Variants in SOX5 observed in about 807,000 individuals in gnomAD.
SOX5 encodes SRY-box transcription factor 5.
In SOX5, 9 loss-of-function variants were observed where a neutral mutation model predicts 92.0. The observed-to-expected ratio is 0.10, with a 90% CI of 0.06 to 0.17. SOX5 has a LOEUF of 0.17. Ranked by LOEUF, SOX5 falls within the 10% of genes least tolerant of loss-of-function variation. SOX5 has a pLI of 1.00. For synonymous variants in SOX5, 344 were observed against 336.3 expected (o/e 1.02, Z -0.25); for missense variants, 642 against 944.5 (o/e 0.68, Z 4.20).
At position 24,445,251 on chromosome 12, in the gene SOX5, A is replaced by T. The variant is rs145450558; in HGVS notation, c.-250-76612T>A. Among the ~76,000 whole-genome samples the T allele has an allele frequency of 2.9e-3, 443 of 152,358 alleles. 14 individuals carry two copies. Among genetic ancestry groups the T allele is most frequent in the Admixed American group, 0.027 (417 of 15,304 alleles). On this transcript the variant is annotated intron_variant, in intron 1 of 4. Transcript: ENST00000446891. Reference sequence around the variant, plus strand: ...TACATGATGGTCAAATTTGCATGGTATCAGACATGTCTAATGAATGCACAC... The same window carrying T: ...TACATGATGGTCAAATTTGCATGGTTTCAGACATGTCTAATGAATGCACAC...
chr12:24,029,440 G>GT (rs1054562895), intron 4 of SOX5, among the ~76,000 whole-genome samples: 5 of 151,538 alleles, frequency 3.3e-5, no homozygotes, highest in Non-Finnish European at 5.9e-5. Context: ...ACACCTGGCT[G>GT]TTTTTTTAGT....
upstream of SOX5, among the ~76,000 whole-genome samples, chr12:23,951,653 T>TACAC (rs71059949): frequency 0.036 from 5,410 of 151,560 alleles, 128 homozygotes; most frequent in South Asian, 0.073. Context: ...AATATATATA[T>TACAC]ACACACACAC....
chr12:24,107,122 C>T (rs935533842), intron 4 of SOX5, among the ~76,000 whole-genome samples: 1 of 152,016 alleles, frequency 6.6e-6, no homozygotes, highest in African/African-American at 2.4e-5. Flanking sequence ...TACTGGATAC[C>T]TAATAATCCT....
chr12:23,857,210 G>A (rs1043897219), intron 2 of SOX5, among the ~76,000 whole-genome samples: 2 of 152,176 alleles, frequency 1.3e-5, no homozygotes, highest in African/African-American at 2.4e-5. Flanking sequence ...GAAGGGTCAT[G>A]AAAGTCAAGT....
chr12:24,497,459 C>A (rs184237631), intron 1 of SOX5, among the ~76,000 whole-genome samples: 2 of 152,150 alleles, frequency 1.3e-5, no homozygotes, highest in African/African-American at 2.4e-5. Flanking sequence ...GGGTCTTCAT[C>A]CTAATGTTTT....
chr12:23,973,223 G>A (rs1948554660), intron 4 of SOX5, among the ~76,000 whole-genome samples: 1 of 141,436 alleles, frequency 7.1e-6, no homozygotes, highest in African/African-American at 2.7e-5. Flanking sequence ...GTGCAGTGGT[G>A]TGATCTCAGC....
At chr12:24,173,059 T>G (rs1954376548) in intron 4 of SOX5, among the ~76,000 whole-genome samples, 1 of 152,146 alleles carries the variant, frequency 6.6e-6, no homozygotes, top group Non-Finnish European at 1.5e-5. Context: ...CCTAGAGAGA[T>G]TAGGAAGTTG....
intron 2 of SOX5, among the ~76,000 whole-genome samples, chr12:23,878,758 T>C (rs1051492984): frequency 6.6e-6 from 1 of 152,128 alleles, no homozygotes; most frequent in African/African-American, 2.4e-5. Context: ...CCTTAAATTT[T>C]CTGCTTTGTT....
At chr12:24,381,173 A>C (rs1222635196) in intron 1 of SOX5, among the ~76,000 whole-genome samples, 1 of 152,258 alleles carries the variant, frequency 6.6e-6, no homozygotes, top group Non-Finnish European at 1.5e-5. Flanking sequence ...CTGCAGATCA[A>C]GTTGTGGCTT....
chr12:24,253,519 C>T (rs957227), intron 3 of SOX5, among the ~76,000 whole-genome samples: 29 of 151,918 alleles, frequency 1.9e-4, no homozygotes, highest in Non-Finnish European at 3.8e-4. Flanking sequence ...AAGATGGAAA[C>T]GGCAAAACAA....
chr12:23,895,766 A>T, intron 2 of SOX5, 27 bp downstream of exon 2: 1 of 1,500,810 alleles, frequency 6.7e-7, no homozygotes, highest in Non-Finnish European at 9.3e-7. Flanking sequence ...AAGTGAGTGT[A>T]GGCACAATAA....
intron 1 of SOX5, among the ~76,000 whole-genome samples, chr12:24,430,058 A>G (rs1937987180): frequency 1.3e-5 from 2 of 152,198 alleles, no homozygotes; most frequent in South Asian, 4.1e-4. Context: ...ACTATCATTC[A>G]TTAATCACTT....
intron 1 of SOX5, among the ~76,000 whole-genome samples, chr12:24,530,521 C>T (rs775431268): frequency 7.2e-5 from 11 of 152,074 alleles, no homozygotes; most frequent in Non-Finnish European, 1.0e-4. Context: ...GCTGTGCTGG[C>T]GTGCACCTGT....
At chr12:24,418,156 CAAAT>C (rs1050708073) in intron 1 of SOX5, among the ~76,000 whole-genome samples, 5 of 150,722 alleles carry the variant, frequency 3.3e-5, no homozygotes, top group African/African-American at 1.2e-4. Flanking sequence ...TACAGCCAAA[CAAAT>C]AAAAATACAT....
chr12:23,715,102 A>G (rs938541587), intron 6 of SOX5, among the ~76,000 whole-genome samples: 24 of 152,080 alleles, frequency 1.6e-4, no homozygotes, highest in Admixed American at 7.2e-4. Flanking sequence ...GATCAAGACC[A>G]TCCTGGCTAA....
chr12:23,564,634 T>C (rs1423466596), intron 10 of SOX5, among the ~76,000 whole-genome samples: 1 of 152,166 alleles, frequency 6.6e-6, no homozygotes, highest in African/African-American at 2.4e-5. Flanking sequence ...ATAAATCCTC[T>C]AATCTGCCAA....
chr12:23,616,156 A>C (rs746489394), intron 8 of SOX5, among the ~76,000 whole-genome samples: 3 of 152,212 alleles, frequency 2.0e-5, no homozygotes, highest in Non-Finnish European at 4.4e-5. Flanking sequence ...AACATTGACG[A>C]CTTTCATTAA....
At chr12:24,036,103 A>G (rs759815487) in intron 4 of SOX5, among the ~76,000 whole-genome samples, 4 of 152,160 alleles carry the variant, frequency 2.6e-5, no homozygotes, top group Non-Finnish European at 4.4e-5. Flanking sequence ...AGATTCATCT[A>G]CATTTCAAAA....
rs1322120024 is a variant in SOX5 at position 24,023,779 on chromosome 12, C to T, written c.-1-127755G>A. ...TTTTATTTATCTTTTAAAAACTGAG[C>T]CATGTGCTGCAGGTATCTGTTTATT... is the stretch of plus-strand genomic sequence containing the variant. On this transcript the variant is annotated intron_variant, in intron 4 of 4. Transcript: ENST00000446891. 2.0e-5 allele frequency among the ~76,000 whole-genome samples: 3 copies of T among 152,034 alleles called. No individual in the cohort carries two copies. In the East Asian group the frequency reaches 5.8e-4, roughly 29 times the overall value.
Sources: allele counts gnomAD v4.1 joint callset (sites outside exome capture counted in the v4.1 genomes callset), GRCh38; gene constraint gnomAD v4.1.1; transcripts MANE v1.5; gene names NCBI Gene and HGNC (gene_info 2026-07-23, HGNC 2026-07-21).